PCDHGA9: variants seen among roughly 807,000 people sequenced by gnomAD.
The protein encoded by PCDHGA9 is protocadherin gamma subfamily A, 9.
Under a neutral mutation model 62.5 loss-of-function variants are expected in PCDHGA9, and 37 were observed. The observed-to-expected ratio is 0.59, with a 90% CI of 0.46 to 0.78. The LOEUF (loss-of-function observed/expected upper bound fraction) is 0.78, where lower values mean the gene tolerates loss of function less well. Ranked by LOEUF, PCDHGA9 falls within the 30% of genes least tolerant of loss-of-function variation. The pLI, the probability that PCDHGA9 is intolerant of heterozygous loss-of-function variation, is 0.00. For missense variants in PCDHGA9, 1,138 were observed against 1,166.2 expected, an observed-to-expected ratio of 0.98 and a Z score of 0.35; for synonymous variants, 459 against 484.6, an observed-to-expected ratio of 0.95 and a Z score of 0.69.
chr5:141,449,300 T>C (rs2098635283), intron 1 of PCDHGA9, among the ~76,000 whole-genome samples: 1 of 152,090 alleles, frequency 6.6e-6, no homozygotes, highest in Non-Finnish European at 1.5e-5. Flanking sequence ...GGGTGAATTA[T>C]ATGTATTATA....
intron 1 of PCDHGA9, chr5:141,471,535 T>C (rs553186728): frequency 6.6e-6 from 1 of 152,368 alleles, no homozygotes; most frequent in African/African-American, 2.4e-5. Context: ...GAAGCTATGA[T>C]AGCATTTAAG....
At chr5:141,408,927 T>C (rs1220361067) in intron 1 of PCDHGA9, 5 of 1,613,512 alleles carry the variant, frequency 3.1e-6, no homozygotes, top group African/African-American at 1.3e-5. Context: ...CCCCCGGTTT[T>C]CAGCAGAGAC....
intron 1 of PCDHGA9, chr5:141,409,980 C>T (rs2095343394): frequency 6.2e-7 from 1 of 1,613,322 alleles, no homozygotes; most frequent in Non-Finnish European, 8.5e-7. Context: ...AAGGTGGTAG[C>T]GGTGGACGCC....
intron 1 of PCDHGA9, chr5:141,421,168 A>G: frequency 1.5e-6 from 2 of 1,331,612 alleles, no homozygotes; most frequent in South Asian, 1.5e-5. Context: ...TCATAGATAC[A>G]TAAGCCGATT....
rs765185360 is a variant in PCDHGA9, at chr5:141,491,451, C to T, written c.2425-3356C>T. 1.2e-6 allele frequency: 2 copies of T among 1,614,112 alleles called. No individual in the cohort carries two copies. The highest frequency in any genetic ancestry group is 1.1e-5 in the South Asian group (1 of 91,082). On this transcript the variant is annotated intron_variant, in intron 1 of 3. Coordinates refer to ENST00000573521, the MANE Select transcript of PCDHGA9 (RefSeq NM_018921.3). This position sits in a 1 kb window ranked among gnomAD's most constrained non-coding sequence, Gnocchi z 6.9. ...AGTGCTGCAGGCGCCAGGACTCACC[C>T]TCCCCGGACTTCTATAAGCAGTCCA...
chr5:141,482,069 G>A (rs892777397), intron 1 of PCDHGA9, among the ~76,000 whole-genome samples: 1 of 138,078 alleles, frequency 7.2e-6, no homozygotes, highest in Non-Finnish European at 1.5e-5. Context: ...TGGGCAACAA[G>A]AACAAAACTC....
intron 1 of PCDHGA9, among the ~76,000 whole-genome samples, chr5:141,488,541 T>C (rs2099676694): frequency 6.6e-6 from 1 of 152,184 alleles, no homozygotes; most frequent in South Asian, 2.1e-4. Flanking sequence ...CTAAGTCCCA[T>C]GTCAGCTGAC....
At chr5:141,421,238 G>A (rs920128735) in intron 1 of PCDHGA9, 1 of 1,597,540 alleles carries the variant, frequency 6.3e-7, no homozygotes, top group African/African-American at 1.3e-5. Context: ...ATGGCGAATC[G>A]GCTACAGCGC....
chr5:141,409,887 T>C, intron 1 of PCDHGA9: 2 of 1,613,062 alleles, frequency 1.2e-6, no homozygotes, highest in Admixed American at 1.7e-5. Context: ...GCACCGCGGG[T>C]GCTGTACCCA....
chr5:141,433,408 A>ATCTATCTATCT (rs1413347413), intron 1 of PCDHGA9, among the ~76,000 whole-genome samples: 6 of 127,280 alleles, frequency 4.7e-5, no homozygotes, highest in African/African-American at 1.8e-4. Context: ...TCTATCTATT[A>ATCTATCTATCT]CTTTCTTGTA....
At chr5:141,503,981 C>T (rs774655880) in intron 2 of PCDHGA9, among the ~76,000 whole-genome samples, 4 of 152,300 alleles carry the variant, frequency 2.6e-5, no homozygotes, top group East Asian at 1.9e-4. Flanking sequence ...CCAAACCCTT[C>T]TTCTTACCTT....
intron 2 of PCDHGA9, among the ~76,000 whole-genome samples, chr5:141,495,663 G>T (rs756466649): frequency 6.6e-6 from 1 of 152,050 alleles, no homozygotes; most frequent in African/African-American, 2.4e-5. Context: ...GATCTGTGCC[G>T]CCCACTGTGC....
At chr5:141,419,793 C>T in intron 1 of PCDHGA9, 1 of 1,614,072 alleles carries the variant, frequency 6.2e-7, no homozygotes, top group East Asian at 2.2e-5. Flanking sequence ...CTGCTAGTCG[C>T]TGTAAGAGAT....
chr5:141,504,541 C>G (rs1050153403), intron 2 of PCDHGA9, among the ~76,000 whole-genome samples: 2 of 151,728 alleles, frequency 1.3e-5, no homozygotes, highest in Non-Finnish European at 2.9e-5. Context: ...GTCATCATGG[C>G]AAATGTTGGG....
chr5:141,496,513 G>A (rs1364297990), intron 2 of PCDHGA9, among the ~76,000 whole-genome samples: 1 of 152,140 alleles, frequency 6.6e-6, no homozygotes, highest in Non-Finnish European at 1.5e-5. Context: ...CAAGGACCCA[G>A]GAGCCCTTGG....
chr5:141,432,481 C>G lies in PCDHGA9; in HGVS notation c.2424+27105C>G. 6.2e-7 allele frequency: 1 copy of G among 1,614,198 alleles called. No homozygotes were observed. On this transcript the variant is annotated intron_variant, in intron 1 of 3. Coordinates refer to ENST00000573521, the MANE Select transcript of PCDHGA9 (RefSeq NM_018921.3). This position sits in a 1 kb window ranked among gnomAD's most constrained non-coding sequence, Gnocchi z 6.0. ...CCCTCCCCACGGACGGTTCCACTGG[C>G]GTGGAGCTGGCTCCCCGCTCCGCAG...
chr5:141,486,409 C>G lies in PCDHGA9; in HGVS notation c.2425-8398C>G, dbSNP rs1396288134. On this transcript the variant is annotated intron_variant, in intron 1 of 3. Coordinates refer to ENST00000573521, the MANE Select transcript of PCDHGA9 (RefSeq NM_018921.3). The surrounding 1 kb of genome is among the most constrained non-coding windows in gnomAD (Gnocchi z 5.0). Reference sequence around the variant, plus strand: ...AGTTCTCCCTGGTGACTGCTGGACCCTTGGATCGAGAGGCCAAATCTAGCT... The same window carrying G: ...AGTTCTCCCTGGTGACTGCTGGACCGTTGGATCGAGAGGCCAAATCTAGCT... 6.2e-7 allele frequency: 1 copy of G among 1,614,170 alleles called. No individual in the cohort carries two copies. Among genetic ancestry groups the G allele is most frequent in the East Asian group, 2.2e-5 (1 of 44,874 alleles).
At chr5:141,481,465 T>C (rs561789315) in intron 1 of PCDHGA9, among the ~76,000 whole-genome samples, 2 of 152,334 alleles carry the variant, frequency 1.3e-5, no homozygotes, top group South Asian at 2.1e-4. Context: ...CTGAAAACCA[T>C]TGGATTATAC....
chr5:141,457,422 TC>T (rs1038085994), intron 1 of PCDHGA9, among the ~76,000 whole-genome samples: 1 of 151,626 alleles, frequency 6.6e-6, no homozygotes, highest in African/African-American at 2.4e-5. Context: ...CATCCCTTTT[TC>T]CCCCCCACCA....
Sources: allele counts gnomAD v4.1 joint callset (sites outside exome capture counted in the v4.1 genomes callset), GRCh38; gene constraint gnomAD v4.1.1; non-coding constraint Gnocchi (gnomAD v3.1); transcripts MANE v1.5; gene names NCBI Gene and HGNC (gene_info 2026-07-23, HGNC 2026-07-21).